Variants in PTPRQ observed in about 807,000 individuals in gnomAD.
PTPRQ encodes the protein protein tyrosine phosphatase receptor type Q.
PTPRQ carries 199 observed loss-of-function variants against 246.0 expected under a neutral mutation model. The ratio of observed to expected loss-of-function variants is 0.81; its 90% CI spans 0.72 to 0.91. PTPRQ has a LOEUF of 0.91. Ranked by LOEUF, PTPRQ falls within the 40% of genes least tolerant of loss-of-function variation. The pLI is 0.00. For synonymous variants in PTPRQ, 869 were observed against 853.2 expected, an observed-to-expected ratio of 1.02 and a Z score of -0.32; for missense variants, 2,624 against 2,528.4, an observed-to-expected ratio of 1.04 and a Z score of -0.81.
intron 3 of PTPRQ, among the ~76,000 whole-genome samples, chr12:80,453,109 A>T (rs1892830166): frequency 6.6e-6 from 1 of 151,690 alleles, no homozygotes; most frequent in South Asian, 2.1e-4. Flanking sequence ...ACTTCATTTC[A>T]TTCATTTCAT....
intron 3 of PTPRQ, among the ~76,000 whole-genome samples, chr12:80,448,135 A>AT (rs201054857): frequency 3.7e-4 from 56 of 151,602 alleles, no homozygotes; most frequent in Admixed American, 1.3e-3. Flanking sequence ...TAGATATTTT[A>AT]TTTTTTTTGT....
chr12:80,675,836 C>T lies in PTPRQ; in HGVS notation c.6738+2532C>T, dbSNP rs544313192. On this transcript the variant is annotated intron_variant, in intron 43 of 44. Transcript: ENST00000644991. Reference sequence around the variant, plus strand: ...TTTTTGAAGTCAGAGAACTAAATTCCGAATACATCTCTGCTAATTGTTGGC... The same window carrying T: ...TTTTTGAAGTCAGAGAACTAAATTCTGAATACATCTCTGCTAATTGTTGGC... Among the ~76,000 whole-genome samples the T allele has an allele frequency of 6.4e-4, 97 of 152,268 alleles. 1 individual carries two copies. Among genetic ancestry groups the T allele is most frequent in the Admixed American group, 1.9e-3 (29 of 15,296 alleles).
intron 6 of PTPRQ, chr12:80,465,673 C>A (rs2120511094): frequency 6.6e-6 from 1 of 152,284 alleles, no homozygotes; most frequent in South Asian, 2.1e-4. Context: ...AAGTGGGCTT[C>A]ATCCCTGGGA....
intron 35 of PTPRQ, among the ~76,000 whole-genome samples, chr12:80,641,310 T>G (rs1194883817): frequency 1.3e-5 from 2 of 152,146 alleles, no homozygotes; most frequent in Non-Finnish European, 1.5e-5. Context: ...AATTTCTTCA[T>G]GCAAAGAATG....
In PTPRQ at chr12:80,496,474, A is replaced by G; in HGVS notation, c.2215A>G (p.Arg739Gly). The stretch of plus-strand genomic sequence containing the variant: ...TAACATTTCTGTAAGGTCTTACACC[A>G]GATTTGGTCATGGCAATCAGGTATC... The part of the protein sequence containing the change: ...LYNISVRSYT[R>G]FGHGNQVSSL... Residue 739 changes from arginine (R) to glycine (G), a missense_variant, in exon 14 of 45, where the codon AGA becomes GGA. Arg to Gly is a moderately radical substitution (Grantham distance 125). Transcript: ENST00000644991. 6.4e-7 allele frequency: 1 copy of G among 1,550,410 alleles called. No homozygotes were observed. The highest frequency in any genetic ancestry group is 8.7e-7 in the Non-Finnish European group (1 of 1,146,348).
intron 37 of PTPRQ, among the ~76,000 whole-genome samples, chr12:80,651,068 AC>A (rs1900242666): frequency 6.6e-6 from 1 of 152,096 alleles, no homozygotes; most frequent in Admixed American, 6.6e-5. Context: ...TGTATTTGGC[AC>A]ATACAATCAG....
chr12:80,485,159 G>A (rs1894232012), intron 9 of PTPRQ, among the ~76,000 whole-genome samples: 1 of 151,930 alleles, frequency 6.6e-6, no homozygotes, highest in Non-Finnish European at 1.5e-5. Context: ...AGGATCTTTA[G>A]GCAATGTGTT....
intron 25 of PTPRQ, among the ~76,000 whole-genome samples, chr12:80,577,995 A>G (rs1592677620): frequency 6.6e-6 from 1 of 152,162 alleles, no homozygotes; most frequent in African/African-American, 2.4e-5. Context: ...AATAAAACAT[A>G]TTTGAGAATT....
intron 26 of PTPRQ, among the ~76,000 whole-genome samples, chr12:80,599,519 C>T (rs1350564016): frequency 6.6e-6 from 1 of 151,784 alleles, no homozygotes; most frequent in Admixed American, 6.6e-5. Context: ...ACCATCAGCT[C>T]CATTTATTTT....
chr12:80,445,806 A>G (rs1892537174), intron 3 of PTPRQ, 89 bp downstream of exon 3: 3 of 823,230 alleles, frequency 3.6e-6, no homozygotes, highest in African/African-American at 3.4e-5. Context: ...TCAAGCCTTT[A>G]CAGCTGAATA....
rs534823742 is a variant in PTPRQ at position 80,630,946 on chromosome 12, C to A, written c.5687-1246C>A. The stretch of plus-strand genomic sequence containing the variant: ...TGGCCAGGTTGTCTCGAACTCCTAA[C>A]CTTGGGATCTGCCTGCCTCGGCTTC... On this transcript the variant is annotated intron_variant, in intron 33 of 44. Transcript: ENST00000644991. 3.3e-5 allele frequency among the ~76,000 whole-genome samples: 5 copies of A among 152,250 alleles called. 1 individual carries two copies. In the South Asian group the frequency reaches 1.0e-3, roughly 32 times the overall value.
chr12:80,569,693 C>T (rs1006972850), intron 25 of PTPRQ, among the ~76,000 whole-genome samples: 3 of 151,686 alleles, frequency 2.0e-5, no homozygotes, highest in Admixed American at 6.6e-5. Flanking sequence ...CGCCATCAAA[C>T]CGTCATCTAT....
chr12:80,618,358 A>C (rs552924763), intron 30 of PTPRQ, among the ~76,000 whole-genome samples: 190 of 132,012 alleles, frequency 1.4e-3, no homozygotes, highest in African/African-American at 6.1e-3. Flanking sequence ...CAAGCACTAC[A>C]TTCACACACA....
chr12:80,603,666 T>A (rs368931932), intron 26 of PTPRQ, among the ~76,000 whole-genome samples: 1 of 151,586 alleles, frequency 6.6e-6, no homozygotes, highest in African/African-American at 2.4e-5. Context: ...TACAACTCTA[T>A]CTGTCTGTGG....
chr12:80,485,857 G>A (rs1430848453), intron 9 of PTPRQ, among the ~76,000 whole-genome samples: 3 of 152,048 alleles, frequency 2.0e-5, no homozygotes, highest in Admixed American at 6.6e-5. Context: ...GTTTTTCCAT[G>A]AAGCTAAGAG....
intron 6 of PTPRQ, chr12:80,465,062 A>C (rs1291357254): frequency 8.2e-6 from 1 of 122,104 alleles, no homozygotes; most frequent in Non-Finnish European, 1.7e-5. Context: ...TAATGAATCC[A>C]GGAGCTGGTT....
chr12:80,497,829 C>A (rs1439309279), intron 14 of PTPRQ, among the ~76,000 whole-genome samples: 1 of 152,004 alleles, frequency 6.6e-6, no homozygotes, highest in South Asian at 2.1e-4. Flanking sequence ...GGTGGAACCA[C>A]ATGAAATAAT....
intron 25 of PTPRQ, among the ~76,000 whole-genome samples, chr12:80,565,086 AT>A (rs1465705234): frequency 6.6e-6 from 1 of 152,234 alleles, no homozygotes; most frequent in East Asian, 1.9e-4. Flanking sequence ...TACTGAGGCC[AT>A]TATGGGAAAT....
chr12:80,546,487 T>C, intron 23 of PTPRQ, 69 bp from the exon 24 acceptor site: 2 of 1,417,590 alleles, frequency 1.4e-6, no homozygotes, highest in Non-Finnish European at 1.9e-6. Flanking sequence ...ATAACTTCAA[T>C]GAAAATATTC....
Sources: gnomAD v4.1 joint callset for allele counts (sites outside exome capture counted in the v4.1 genomes callset) on GRCh38, gnomAD v4.1.1 for gene constraint, MANE v1.5 for transcripts, NCBI Gene and HGNC (gene_info 2026-07-23, HGNC 2026-07-21) for gene names.